The following GALNTL6 variants were observed in gnomAD, a reference collection of about 807,000 sequenced individuals.
GALNTL6 encodes polypeptide N-acetylgalactosaminyltransferase-like 6.
In GALNTL6, 46 loss-of-function variants were observed where a neutral mutation model predicts 73.7. The observed-to-expected ratio is 0.62, with a 90% CI of 0.49 to 0.80. The LOEUF is 0.80. Ranked by LOEUF, GALNTL6 falls within the 30% of genes least tolerant of loss-of-function variation. GALNTL6 has a pLI of 0.00. For missense variants in GALNTL6, 604 were observed against 755.0 expected (o/e 0.80, Z 2.34); for synonymous variants, 259 against 263.7 (o/e 0.98, Z 0.17).
chr4:172,710,116 G>A (rs1460432128), intron 5 of GALNTL6, among the ~76,000 whole-genome samples: 2 of 152,112 alleles, frequency 1.3e-5, no homozygotes, highest in Non-Finnish European at 2.9e-5. Flanking sequence ...CATACATTTG[G>A]TGATAAACTT....
chr4:172,989,754 C>A (rs895000872), intron 10 of GALNTL6, among the ~76,000 whole-genome samples: 1 of 152,204 alleles, frequency 6.6e-6, no homozygotes, highest in Non-Finnish European at 1.5e-5. Flanking sequence ...TCCAGCCATA[C>A]TTCCTGTACA....
intron 2 of GALNTL6, among the ~76,000 whole-genome samples, chr4:172,064,688 T>A (rs1199523762): frequency 6.6e-6 from 1 of 152,148 alleles, no homozygotes; most frequent in African/African-American, 2.4e-5. Context: ...ACAGTTGATA[T>A]CACCTCTTTC....
chr4:171,904,567 T>C (rs953732814), intron 2 of GALNTL6, among the ~76,000 whole-genome samples: 7 of 152,244 alleles, frequency 4.6e-5, no homozygotes, highest in South Asian at 2.1e-4. Context: ...TGGAAAACAC[T>C]CTGCAGGATA....
chr4:171,821,335 C>G (rs1243637860), intron 2 of GALNTL6, among the ~76,000 whole-genome samples: 1 of 152,108 alleles, frequency 6.6e-6, no homozygotes, highest in Non-Finnish European at 1.5e-5. Flanking sequence ...GCCCCCACTC[C>G]CAGCCTTGTG....
At chr4:172,053,659 A>G (rs987887698) in intron 2 of GALNTL6, among the ~76,000 whole-genome samples, 1 of 152,142 alleles carries the variant, frequency 6.6e-6, no homozygotes, top group African/African-American at 2.4e-5. Context: ...TTGGGGGAGA[A>G]GTTTATAGCT....
chr4:171,895,095 T>C (rs1736870943), intron 2 of GALNTL6, among the ~76,000 whole-genome samples: 1 of 152,156 alleles, frequency 6.6e-6, no homozygotes, highest in African/African-American at 2.4e-5. Context: ...AGTGATGAAT[T>C]TGGGGACTGT....
At chr4:172,960,393 G>A (rs1423461966) in intron 10 of GALNTL6, among the ~76,000 whole-genome samples, 1 of 152,182 alleles carries the variant, frequency 6.6e-6, no homozygotes, top group Non-Finnish European at 1.5e-5. Context: ...AGGAGGGGAG[G>A]TGATAAAAGG....
At chr4:171,967,166 C>T (rs1028213803) in intron 2 of GALNTL6, among the ~76,000 whole-genome samples, 1 of 152,068 alleles carries the variant, frequency 6.6e-6, no homozygotes. Flanking sequence ...TAACTGATAC[C>T]GTATTGTAAA....
chr4:172,695,419 A>G (rs906783656), intron 5 of GALNTL6, among the ~76,000 whole-genome samples: 14 of 152,198 alleles, frequency 9.2e-5, no homozygotes, highest in African/African-American at 3.1e-4. Flanking sequence ...TAATCTTTCT[A>G]TCATAGATCT....
At chr4:172,565,103 A>G (rs1736510066) in intron 5 of GALNTL6, among the ~76,000 whole-genome samples, 1 of 152,204 alleles carries the variant, frequency 6.6e-6, no homozygotes, top group Admixed American at 6.5e-5. Flanking sequence ...AAGAAGGGGC[A>G]AGGCAATTCC....
intron 2 of GALNTL6, among the ~76,000 whole-genome samples, chr4:172,042,906 T>C (rs1281172359): frequency 1.4e-5 from 2 of 141,720 alleles, no homozygotes; most frequent in African/African-American, 5.2e-5. Flanking sequence ...ATTATTGTGA[T>C]GCATAAAACT....
At chr4:172,080,712 AC>A (rs1283030882) in intron 2 of GALNTL6, among the ~76,000 whole-genome samples, 2 of 151,800 alleles carry the variant, frequency 1.3e-5, no homozygotes, top group African/African-American at 4.8e-5. Flanking sequence ...TGAATTTTCT[AC>A]TGTGTTTCAC....
At chr4:171,824,595 A>G (rs1488723405) in intron 2 of GALNTL6, among the ~76,000 whole-genome samples, 2 of 152,158 alleles carry the variant, frequency 1.3e-5, no homozygotes, top group East Asian at 1.9e-4. Flanking sequence ...GGAAAAAGAG[A>G]AAAAGCATGT....
At chr4:171,865,868 T>A (rs1396672051) in intron 2 of GALNTL6, among the ~76,000 whole-genome samples, 1 of 152,202 alleles carries the variant, frequency 6.6e-6, no homozygotes, top group East Asian at 1.9e-4. Flanking sequence ...CATGATTGCA[T>A]TCTGTCAATA....
At chr4:172,830,736 G>T (rs936121739) in intron 7 of GALNTL6, among the ~76,000 whole-genome samples, 3 of 152,214 alleles carry the variant, frequency 2.0e-5, no homozygotes, top group African/African-American at 7.2e-5. Flanking sequence ...CATGAAGGGA[G>T]TGCACTGTCA....
chr4:172,565,793 C>A (rs1736532883), intron 5 of GALNTL6, among the ~76,000 whole-genome samples: 1 of 152,106 alleles, frequency 6.6e-6, no homozygotes, highest in South Asian at 2.1e-4. Flanking sequence ...TCATTATTGG[C>A]TTGCTTATAC....
At chr4:172,858,710 T>A (rs1408025508) in intron 7 of GALNTL6, among the ~76,000 whole-genome samples, 2 of 152,030 alleles carry the variant, frequency 1.3e-5, no homozygotes, top group Non-Finnish European at 2.9e-5. Flanking sequence ...ATCTAAGCTG[T>A]CTACTGTTCC....
intron 5 of GALNTL6, among the ~76,000 whole-genome samples, chr4:172,544,426 T>G (rs1301115750): frequency 1.3e-5 from 2 of 152,182 alleles, no homozygotes; most frequent in Non-Finnish European, 2.9e-5. Flanking sequence ...TTATAAATAT[T>G]CTCATCTGCC....
intron 5 of GALNTL6, among the ~76,000 whole-genome samples, chr4:172,746,119 C>T (rs1327456245): frequency 1.3e-5 from 2 of 151,974 alleles, no homozygotes; most frequent in African/African-American, 4.8e-5. Context: ...CCTAGTAAAC[C>T]TGCAATTTAA....
Sources: gnomAD v4.1 joint callset for allele counts (sites outside exome capture counted in the v4.1 genomes callset) on GRCh38, gnomAD v4.1.1 for gene constraint, MANE v1.5 for transcripts, NCBI Gene and HGNC (gene_info 2026-07-23, HGNC 2026-07-21) for gene names.